IGSF9B: variants seen among roughly 807,000 people sequenced by gnomAD.
The protein encoded by IGSF9B is protein turtle homolog B.
In IGSF9B, 48 loss-of-function variants were observed where a neutral mutation model predicts 143.7. The ratio of observed to expected loss-of-function variants is 0.33; its 90% CI spans 0.26 to 0.42. The LOEUF (loss-of-function observed/expected upper bound fraction) is 0.42, where lower values mean the gene tolerates loss of function less well. Ranked by LOEUF, IGSF9B falls within the 20% of genes least tolerant of loss-of-function variation. The probability of loss-of-function intolerance (pLI) is 1.00; values close to 1 mark genes in which losing one functional copy is unlikely to be tolerated. For missense variants in IGSF9B, 1,706 were observed against 1,980.0 expected (o/e 0.86, Z 2.63); for synonymous variants, 903 against 833.1 (o/e 1.08, Z -1.44).
chr11:133,922,371 G>A (rs1402927041), intron 16 of IGSF9B, 149 bp from the exon 17 acceptor site: 2 of 933,794 alleles, frequency 2.1e-6, no homozygotes, highest in Non-Finnish European at 3.3e-6. Flanking sequence ...CTTCATGCTA[G>A]CTTGGGCCCC....
At chr11:133,926,587 G>C (rs1939630480) in intron 13 of IGSF9B, among the ~76,000 whole-genome samples, 1 of 152,268 alleles carries the variant, frequency 6.6e-6, no homozygotes, top group South Asian at 2.1e-4. Flanking sequence ...GCTGGGGCCA[G>C]AGGCCAGAAC....
At chr11:133,942,419 A>T (rs768600691) in intron 3 of IGSF9B, among the ~76,000 whole-genome samples, 8 of 152,182 alleles carry the variant, frequency 5.3e-5, no homozygotes, top group Non-Finnish European at 8.8e-5. Context: ...CACTCAAAGC[A>T]ATTAGGAATT....
rs1565425518 is a variant in IGSF9B, at chr11:133,921,129, C to G, written c.2596G>C (p.Glu866Gln). Reference sequence around the variant, plus strand: ...ATGCGCCTGCTCTTCAGCGAGGGCTCCATCTCGGCAGGGTCCATCACGAAG... The same window carrying G: ...ATGCGCCTGCTCTTCAGCGAGGGCTGCATCTCGGCAGGGTCCATCACGAAG... ...GRFVMDPAEMEPSLKSRRIEG... is the reference protein window; with the variant it reads ...GRFVMDPAEMQPSLKSRRIEG... Residue 866 changes from glutamate to glutamine, a missense_variant, in exon 18 of 20, where the codon GAG (glutamate) becomes CAG (glutamine). Coordinates refer to ENST00000533871, the MANE Select transcript of IGSF9B (RefSeq NM_001277285.4). The G allele has an allele frequency of 1.9e-6, 3 of 1,613,714 alleles. No individual in the cohort carries two copies. In the East Asian group the frequency reaches 6.7e-5, roughly 36 times the overall value.
At chr11:133,956,533 G>GA (rs1565455836) in intron 1 of IGSF9B, among the ~76,000 whole-genome samples, 158 bp downstream of exon 1, 14 of 182 alleles carry the variant, frequency 0.077, no homozygotes, top group Admixed American at 0.38. Flanking sequence ...ATGCTCCCGG[G>GA]CCGCCTGGCC....
intron 3 of IGSF9B, among the ~76,000 whole-genome samples, chr11:133,942,159 C>T (rs1939964751): frequency 6.6e-6 from 1 of 152,012 alleles, no homozygotes; most frequent in South Asian, 2.1e-4. Context: ...GTTTTTTTTC[C>T]TCTCGAGAAG....
intron 6 of IGSF9B, 98 bp from the exon 7 acceptor site, chr11:133,935,860 C>T: frequency 6.8e-7 from 1 of 1,474,412 alleles, no homozygotes; most frequent in Non-Finnish European, 9.1e-7. Context: ...GCATGGAGAG[C>T]CCATGCCCCT....
At chr11:133,919,639 C>CGAGCCCTG in intron 18 of IGSF9B, 103 bp downstream of exon 18, 1 of 771,242 alleles carries the variant, frequency 1.3e-6, no homozygotes, top group Non-Finnish European at 1.9e-6. Flanking sequence ...CATGTCCGCA[C>CGAGCCCTG]GAGCCCTGTC....
chr11:133,929,749 AC>A lies in IGSF9B; in HGVS notation c.1552del (p.Val518SerfsTer5). 1 of 1,613,816 alleles carries A rather than the reference AC, an allele frequency of 6.2e-7. No homozygotes were observed. The highest frequency in any genetic ancestry group is 8.5e-7 in the Non-Finnish European group (1 of 1,179,792). Reference sequence around the variant, plus strand: ...GTTGGCAGTTGTCATGGAGACCTGGACCCGGACACTGCCCGGGGCATGGGGG... The same window carrying A: ...GTTGGCAGTTGTCATGGAGACCTGGACCGGACACTGCCCGGGGCATGGGGG... ...TSPHAPGSVR[V>X]QVSMTTANVS... On this transcript the variant is annotated frameshift_variant, in exon 12 of 20. Coordinates refer to ENST00000533871, the MANE Select transcript of IGSF9B (RefSeq NM_001277285.4). LOFTEE classifies it high-confidence loss of function.
intron 5 of IGSF9B, among the ~76,000 whole-genome samples, chr11:133,936,641 G>A (rs1591720171): frequency 1.3e-5 from 2 of 152,304 alleles, no homozygotes; most frequent in Middle Eastern, 6.8e-3. Flanking sequence ...AAAGGGGGCA[G>A]CTGCGGCCAA....
intron 15 of IGSF9B, among the ~76,000 whole-genome samples, chr11:133,924,374 G>C (rs1180570096): frequency 6.6e-6 from 1 of 152,034 alleles, no homozygotes; most frequent in African/African-American, 2.4e-5. Context: ...AGGAAGGGAG[G>C]AAAACACCAA....
At chr11:133,937,355 G>A (rs1449086660) in intron 5 of IGSF9B, 21 bp downstream of exon 5, 2 of 1,568,100 alleles carry the variant, frequency 1.3e-6, no homozygotes, top group Non-Finnish European at 8.8e-7. Flanking sequence ...GGGTTAAAGA[G>A]GCTGAGGAAA....
At chr11:133,933,689 A>G (rs573109848) in intron 7 of IGSF9B, among the ~76,000 whole-genome samples, 22 of 152,156 alleles carry the variant, frequency 1.4e-4, no homozygotes, top group Non-Finnish European at 3.1e-4. Flanking sequence ...TTGAGTCTGC[A>G]GTAAGCCATG....
chr11:133,919,053 G>A (rs912280462), intron 18 of IGSF9B: 1 of 504,890 alleles, frequency 2.0e-6, no homozygotes, highest in Non-Finnish European at 4.0e-6. Context: ...AGTTTAGAGA[G>A]TGCTCTCTCA....
chr11:133,941,271 C>T (rs1382817783), intron 3 of IGSF9B, among the ~76,000 whole-genome samples: 2 of 152,200 alleles, frequency 1.3e-5, no homozygotes, highest in African/African-American at 4.8e-5. Flanking sequence ...CCCTCTCCTC[C>T]ATGTAATTCA....
At chr11:133,917,953 G>A (rs547676773) in intron 18 of IGSF9B, among the ~76,000 whole-genome samples, 29 of 151,982 alleles carry the variant, frequency 1.9e-4, no homozygotes, top group African/African-American at 7.0e-4. Context: ...CAGGGCTTCT[G>A]TGGGAGGCCC....
At chr11:133,943,996 C>T (rs1939997212) in intron 3 of IGSF9B, among the ~76,000 whole-genome samples, 1 of 152,230 alleles carries the variant, frequency 6.6e-6, no homozygotes, top group Non-Finnish European at 1.5e-5. Flanking sequence ...ATGCAGGGAG[C>T]TGCCGCTCCT....
intron 3 of IGSF9B, among the ~76,000 whole-genome samples, chr11:133,940,708 G>A (rs545907596): frequency 6.7e-4 from 94 of 140,256 alleles, no homozygotes; most frequent in Middle Eastern, 9.1e-3. Flanking sequence ...AACACACCTC[G>A]CATGTCCTCG....
At chr11:133,922,488 T>C (rs1270867452) in intron 16 of IGSF9B, 81 bp downstream of exon 16, 4 of 1,374,042 alleles carry the variant, frequency 2.9e-6, no homozygotes, top group African/African-American at 2.9e-5. Flanking sequence ...AGGGGGGCCA[T>C]GCTAAAAATG....
chr11:133,929,076 C>A (rs1565433124), intron 12 of IGSF9B, among the ~76,000 whole-genome samples: 1 of 152,146 alleles, frequency 6.6e-6, no homozygotes, highest in Admixed American at 6.5e-5. Flanking sequence ...GGATTACAAG[C>A]AACAATAATG....
Sources: gnomAD v4.1 joint callset for allele counts (sites outside exome capture counted in the v4.1 genomes callset) on GRCh38, gnomAD v4.1.1 for gene constraint, MANE v1.5 for transcripts, NCBI Gene and HGNC (gene_info 2026-07-23, HGNC 2026-07-21) for gene names.